CCDC137: variants seen among roughly 807,000 people sequenced by gnomAD.
CCDC137 encodes the protein coiled-coil domain containing 137, also known as coiled-coil domain-containing protein 137.
A neutral mutation model predicts 30.4 loss-of-function variants in CCDC137; 24 were observed. That is an observed-to-expected ratio of 0.79 (90% CI 0.57 to 1.11). CCDC137 has a LOEUF of 1.11. Among genes scored for constraint, CCDC137 ranks in the 50% least tolerant of loss-of-function variants. CCDC137 has a pLI of 0.00. For synonymous variants in CCDC137, 182 were observed against 155.7 expected (o/e 1.17, Z -1.26); for missense variants, 417 against 380.4 (o/e 1.10, Z -0.80).
Position 81,672,576 on chromosome 17 carries a change from C to T in CCDC137, c.742C>T (p.Gln248Ter). The change falls in exon 6 of 6, where the codon CAG (glutamine) becomes TAG (stop). Residue 248 changes from glutamine (Q) to a stop codon, truncating the protein, a stop_gained. Transcript: ENST00000329214. LOFTEE classifies it low-confidence loss of function (END_TRUNC). ...SQPLTASLARQRIVEEERERA... is the reference protein window; with the variant it reads ...SQPLTASLAR ...GCCTCTGACCGCCTCCCTGGCCCGC[C>T]AGCGGATTGTGGAGGAGGAGAGAGA... 1 of 1,580,058 alleles carries T rather than the reference C, an allele frequency of 6.3e-7. No homozygotes were observed. Among genetic ancestry groups the T allele is most frequent in the Non-Finnish European group, 8.6e-7 (1 of 1,163,530 alleles).
chr17:81,672,069 C>T lies in CCDC137; in HGVS notation c.581-7C>T, dbSNP rs762184231. ...CAGCAGTCCTCAGTTGTATTCTGCT[C>T]CTCCAGACACGGTGAAGTTTGGTGA... On this transcript the variant is annotated splice_region_variant and splice_polypyrimidine_tract_variant and intron_variant, in intron 4 of 5. Transcript: ENST00000329214. 3.7e-6 allele frequency: 6 copies of T among 1,613,920 alleles called. No individual in the cohort carries two copies. The highest frequency in any genetic ancestry group is 1.3e-5 in the African/African-American group (1 of 74,884).
chr17:81,672,743 C>G lies in CCDC137; in HGVS notation c.*39C>G. On this transcript the variant is annotated 3_prime_UTR_variant, in exon 6 of 6. Transcript: ENST00000329214. ...GGGGCCTGGCCACGCTCTGGGGCAACTGGCACCAGGAGCTGCTACACCTGG... is the reference window on the plus strand; with the variant it reads ...GGGGCCTGGCCACGCTCTGGGGCAAGTGGCACCAGGAGCTGCTACACCTGG... 6.7e-7 allele frequency: 1 copy of G among 1,502,164 alleles called. No homozygotes were observed. The allele number at this position is 1,502,164 out of a possible 1,614,324, so 93.1% of individuals were successfully genotyped here. A position where few individuals can be genotyped will look rare whatever the true frequency, so the allele number is the denominator to read the frequency against.
chr17:81,667,958 A>G, intron 2 of CCDC137, 96 bp downstream of exon 2: 1 of 1,423,734 alleles, frequency 7.0e-7, no homozygotes, highest in Non-Finnish European at 9.4e-7. Flanking sequence ...CAGAGGAAAT[A>G]TGCCAAGACC....
In CCDC137 at chr17:81,673,398, GAAA is replaced by G. The variant is rs546008978; in HGVS notation, c.*702_*704del. The G allele has an allele frequency of 6.8e-6, 1 of 147,926 alleles. No individual in the cohort carries two copies. The highest frequency in any genetic ancestry group is 1.5e-5 in the Non-Finnish European group (1 of 66,730). 9.2% of individuals were successfully genotyped at this position (147,926 alleles called of 1,614,324 possible). The stretch of plus-strand genomic sequence containing the variant: ...TGCATCTCTACTAAAAATACACGAA[GAAA>G]AAAAAAACAGTGGGAACAGAGTTGT... On this transcript the variant is annotated 3_prime_UTR_variant, in exon 6 of 6. Coordinates refer to ENST00000329214, the MANE Select transcript of CCDC137 (RefSeq NM_199287.3).
chr17:81,672,412 G>A (rs1346717612), intron 5 of CCDC137, 83 bp from the exon 6 acceptor site: 13 of 1,330,038 alleles, frequency 9.8e-6, no homozygotes, highest in African/African-American at 2.9e-5. Flanking sequence ...TCTCGCTGGC[G>A]GGAGAGCTGT....
intron 2 of CCDC137, 28 bp downstream of exon 2, chr17:81,667,890 G>C (rs1312824046): frequency 6.2e-7 from 1 of 1,604,654 alleles, no homozygotes; most frequent in Admixed American, 1.7e-5. Flanking sequence ...CTGGGCGGCA[G>C]TGAAGCTTTG....
chr17:81,670,612 A>G (rs1474056151), intron 3 of CCDC137, among the ~76,000 whole-genome samples, 159 bp downstream of exon 3: 1 of 152,178 alleles, frequency 6.6e-6, no homozygotes, highest in African/African-American at 2.4e-5. Context: ...GAGTCGGAGC[A>G]TCCAGCTGGG....
intron 1 of CCDC137, 190 bp downstream of exon 1, chr17:81,667,090 T>C: frequency 1.8e-6 from 1 of 562,886 alleles, no homozygotes; most frequent in Non-Finnish European, 2.6e-6. Flanking sequence ...CGCGAGCGAG[T>C]CCTTGGTTTT....
intron 2 of CCDC137, among the ~76,000 whole-genome samples, chr17:81,668,325 A>T (rs1158407993): frequency 6.6e-6 from 1 of 152,144 alleles, no homozygotes; most frequent in East Asian, 1.9e-4. Context: ...AAGTGGGTGG[A>T]GTCAGGAGCT....
At chr17:81,667,915 C>T in intron 2 of CCDC137, 53 bp downstream of exon 2, 2 of 1,578,852 alleles carry the variant, frequency 1.3e-6, no homozygotes, top group South Asian at 2.3e-5. Context: ...TCTCAACCCG[C>T]CCAATCGCCC....
Position 81,671,666 on chromosome 17 carries a change from T to C in CCDC137, c.498-78T>C, listed in dbSNP as rs542572932. The C allele has an allele frequency of 1.3e-5, 18 of 1,436,458 alleles. No individual in the cohort carries two copies. In the Admixed American group the frequency reaches 3.3e-4, roughly 26 times the overall value. 89.0% of individuals were successfully genotyped at this position (1,436,458 alleles called of 1,614,324 possible). ...CTGCTCTGCCACAGGGGATCCCTTG[T>C]GGGTGGGGCGGCCTCTGCCTCCTCC... On this transcript the variant is annotated intron_variant, in intron 3 of 5. Coordinates refer to ENST00000329214, the MANE Select transcript of CCDC137 (RefSeq NM_199287.3).
intron 2 of CCDC137, among the ~76,000 whole-genome samples, chr17:81,669,830 G>A (rs1406283272): frequency 6.6e-6 from 1 of 150,896 alleles, no homozygotes; most frequent in South Asian, 2.1e-4. Context: ...CAAAGTGCTG[G>A]GATTACAGGC....
At chr17:81,668,842 A>G (rs1431132845) in intron 2 of CCDC137, among the ~76,000 whole-genome samples, 1 of 151,320 alleles carries the variant, frequency 6.6e-6, no homozygotes, top group Non-Finnish European at 1.5e-5. Context: ...CTGGGATTAC[A>G]GGTAACGCAC....
At chr17:81,671,987 A>G (rs1056698539) in intron 4 of CCDC137, 89 bp from the exon 5 acceptor site, 9 of 1,504,826 alleles carry the variant, frequency 6.0e-6, no homozygotes, top group African/African-American at 1.4e-5. Flanking sequence ...TCCCAGCCCT[A>G]TGGGAGGGAG....
At chr17:81,670,035 T>C (rs57405099) in intron 2 of CCDC137, 190 bp from the exon 3 acceptor site, 66,759 of 590,128 alleles carry the variant, frequency 0.11, 4,312 homozygotes, top group Middle Eastern at 0.15. Flanking sequence ...ACAGGTGCCA[T>C]TGGGCTGGGG....
At chr17:81,671,270 A>G (rs1018055311) in intron 3 of CCDC137, among the ~76,000 whole-genome samples, 2 of 152,204 alleles carry the variant, frequency 1.3e-5, no homozygotes. Context: ...TGGCCCAGAT[A>G]CAGCCTGGCG....
intron 1 of CCDC137, among the ~76,000 whole-genome samples, 184 bp from the exon 2 acceptor site, chr17:81,667,545 T>C (rs2036654385): frequency 6.6e-6 from 1 of 152,070 alleles, no homozygotes; most frequent in Admixed American, 6.6e-5. Context: ...GTCAGGATGG[T>C]CTCGATCTCC....
At chr17:81,667,018 G>T in intron 1 of CCDC137, 118 bp downstream of exon 1, 2 of 1,094,554 alleles carry the variant, frequency 1.8e-6, no homozygotes, top group East Asian at 6.4e-5. Context: ...GTCGGGCTCA[G>T]TGCCCTCCTC....
At chr17:81,669,684 C>T (rs1242607974) in intron 2 of CCDC137, among the ~76,000 whole-genome samples, 2 of 152,272 alleles carry the variant, frequency 1.3e-5, no homozygotes, top group Non-Finnish European at 1.5e-5. Context: ...CTCAGCCTCC[C>T]GAGTAGTTGG....
Sources: gnomAD v4.1 joint callset for allele counts (sites outside exome capture counted in the v4.1 genomes callset) on GRCh38, gnomAD v4.1.1 for gene constraint, MANE v1.5 for transcripts, NCBI Gene and HGNC (gene_info 2026-07-23, HGNC 2026-07-21) for gene names.